The following DDR2 variants were observed in gnomAD, a reference collection of about 807,000 sequenced individuals.
DDR2 encodes discoidin domain receptor tyrosine kinase 2.
A neutral mutation model predicts 94.9 loss-of-function variants in DDR2; 27 were observed. The ratio of observed to expected loss-of-function variants is 0.28; its 90% CI spans 0.21 to 0.39. The LOEUF (loss-of-function observed/expected upper bound fraction) is 0.39, where lower values mean the gene tolerates loss of function less well. DDR2 is among the 10% of genes least tolerant of loss of function. The pLI is 1.00. For synonymous variants in DDR2, 382 were observed against 377.2 expected (o/e 1.01, Z -0.15); for missense variants, 783 against 1,076.0 (o/e 0.73, Z 3.81).
intron 2 of DDR2, among the ~76,000 whole-genome samples, chr1:162,692,485 A>G (rs778928987): frequency 6.6e-6 from 1 of 152,218 alleles, no homozygotes; most frequent in Non-Finnish European, 1.5e-5. Context: ...AAGACAAGAA[A>G]AGGGAAAAGA....
chr1:162,639,617 G>A (rs538794748), intron 1 of DDR2, among the ~76,000 whole-genome samples: 2 of 152,302 alleles, frequency 1.3e-5, no homozygotes, highest in South Asian at 4.1e-4. Context: ...CACTATCTGT[G>A]AAAGAAATCC....
intron 9 of DDR2, among the ~76,000 whole-genome samples, chr1:162,762,762 AT>A (rs1297738327): frequency 1.3e-5 from 2 of 151,930 alleles, no homozygotes; most frequent in African/African-American, 2.4e-5. Flanking sequence ...TTTTACCCTT[AT>A]TTTTTTGGTA....
In DDR2 at chr1:162,755,697, A is replaced by G. The variant is rs773746096; in HGVS notation, c.599A>G (p.Gln200Arg). ...GLVSYNAPAG[Q>R]QFVLPGGSII... The stretch of plus-strand genomic sequence containing the variant: ...GTGTCTTACAATGCTCCAGCTGGGC[A>G]GCAGTTTGTACTCCCTGGAGGTTCC... The change falls in exon 7 of 18, where the codon CAG becomes CGG. Residue 200 changes from glutamine to arginine, a missense_variant. Physicochemically the swap from Gln to Arg is conservative, Grantham distance 43 (BLOSUM62 1). Around this residue, in one of 2 missense-constraint regions of DDR2, gnomAD observed 519 missense variants for 647.9 expected, o/e 0.80. Transcript: ENST00000367921. The G allele has an allele frequency of 2.1e-5, 34 of 1,614,204 alleles. No individual in the cohort carries two copies. Among genetic ancestry groups the G allele is most frequent in the Non-Finnish European group, 2.9e-5 (34 of 1,180,012 alleles).
chr1:162,752,998 A>C (rs1663287497), intron 3 of DDR2, 97 bp from the exon 4 acceptor site: 1 of 1,066,244 alleles, frequency 9.4e-7, no homozygotes, highest in Non-Finnish European at 1.4e-6. Context: ...AAATTCTCTT[A>C]TTCCTTGTTC....
chr1:162,688,772 G>A (rs1051469445), intron 2 of DDR2, among the ~76,000 whole-genome samples: 11 of 152,200 alleles, frequency 7.2e-5, no homozygotes, highest in Non-Finnish European at 1.5e-4. Flanking sequence ...CCAGGAAACT[G>A]TCTGGAGAAG....
intron 2 of DDR2, among the ~76,000 whole-genome samples, chr1:162,666,893 T>G (rs1418712737): frequency 6.7e-6 from 1 of 149,636 alleles, no homozygotes; most frequent in Non-Finnish European, 1.5e-5. Flanking sequence ...TTCATATATA[T>G]ATATTTTTTA....
chr1:162,673,536 T>G (rs575413308), intron 2 of DDR2, among the ~76,000 whole-genome samples: 1 of 152,082 alleles, frequency 6.6e-6, no homozygotes, highest in African/African-American at 2.4e-5. Flanking sequence ...GGTTTGTATT[T>G]TTCATTTGTG....
chr1:162,647,192 T>TA (rs34226139), intron 1 of DDR2, among the ~76,000 whole-genome samples: 6 of 151,896 alleles, frequency 4.0e-5, no homozygotes, highest in African/African-American at 1.5e-4. Context: ...AATCTATCTA[T>TA]AAAAAAAAGA....
At chr1:162,751,061 A>C (rs989384293) in intron 3 of DDR2, among the ~76,000 whole-genome samples, 5 of 152,216 alleles carry the variant, frequency 3.3e-5, no homozygotes, top group African/African-American at 7.2e-5. Flanking sequence ...AAACCTAGGC[A>C]ATACCATTAA....
chr1:162,737,265 G>A (rs1189729069), intron 3 of DDR2, among the ~76,000 whole-genome samples: 1 of 148,462 alleles, frequency 6.7e-6, no homozygotes, highest in Non-Finnish European at 1.5e-5. Flanking sequence ...CCACTAACGT[G>A]TCATCTAGCA....
At chr1:162,682,172 C>A (rs1659442228) in intron 2 of DDR2, among the ~76,000 whole-genome samples, 4 of 152,172 alleles carry the variant, frequency 2.6e-5, no homozygotes, top group Admixed American at 6.5e-5. Flanking sequence ...CCATGTTTAT[C>A]TTGGTGGGCC....
At chr1:162,722,002 A>C (rs1224167426) in intron 3 of DDR2, among the ~76,000 whole-genome samples, 1 of 152,244 alleles carries the variant, frequency 6.6e-6, no homozygotes, top group African/African-American at 2.4e-5. Flanking sequence ...TTAGTTGATA[A>C]CAAACATTAA....
chr1:162,658,470 G>A (rs1205086536), intron 2 of DDR2, among the ~76,000 whole-genome samples: 1 of 152,110 alleles, frequency 6.6e-6, no homozygotes, highest in Non-Finnish European at 1.5e-5. Flanking sequence ...CAACTAACCA[G>A]AGAATCTACA....
chr1:162,690,585 C>T (rs749894866), intron 2 of DDR2, among the ~76,000 whole-genome samples: 34 of 152,154 alleles, frequency 2.2e-4, no homozygotes, highest in African/African-American at 7.7e-4. Flanking sequence ...TCAGTTTCCT[C>T]ATCTGTAAAA....
chr1:162,730,603 C>T (rs1368465916), intron 3 of DDR2, among the ~76,000 whole-genome samples: 1 of 152,094 alleles, frequency 6.6e-6, no homozygotes, highest in Non-Finnish European at 1.5e-5. Flanking sequence ...CTGGGCTTGC[C>T]CATAGGACAA....
chr1:162,773,713 C>G, intron 14 of DDR2, 117 bp downstream of exon 14: 2 of 1,350,170 alleles, frequency 1.5e-6, no homozygotes, highest in Non-Finnish European at 2.1e-6. Context: ...TGAGCTGCCT[C>G]CCATTTCCAC....
chr1:162,694,119 C>T (rs147464720), intron 2 of DDR2, among the ~76,000 whole-genome samples: 343 of 152,170 alleles, frequency 2.3e-3, no homozygotes, highest in African/African-American at 7.7e-3. Flanking sequence ...GTCTCCATCC[C>T]CTCCATTGTT....
At chr1:162,700,999 T>C (rs368601899) in intron 2 of DDR2, among the ~76,000 whole-genome samples, 5 of 151,816 alleles carry the variant, frequency 3.3e-5, no homozygotes, top group African/African-American at 1.2e-4. Context: ...AGTGTTGGTA[T>C]ATATTTCAAT....
chr1:162,729,312 T>A (rs1232225152), intron 3 of DDR2, among the ~76,000 whole-genome samples: 35 of 134,704 alleles, frequency 2.6e-4, no homozygotes, highest in South Asian at 1.9e-3. Flanking sequence ...TTTTTTTTTT[T>A]TTTTTTTTCC....
Sources: allele counts gnomAD v4.1 joint callset (sites outside exome capture counted in the v4.1 genomes callset), GRCh38; gene constraint gnomAD v4.1.1; regional missense constraint gnomAD v4.1.1; transcripts MANE v1.5; gene names NCBI Gene and HGNC (gene_info 2026-07-23, HGNC 2026-07-21).